The following GLP2R variants were observed in gnomAD, a reference collection of about 807,000 sequenced individuals.
The protein encoded by GLP2R is glucagon-like peptide 2 receptor.
Under a neutral mutation model 68.2 loss-of-function variants are expected in GLP2R, and 59 were observed. The observed-to-expected ratio is 0.87, with a 90% confidence interval of 0.70 to 1.07. The LOEUF (loss-of-function observed/expected upper bound fraction) is 1.07. Among genes scored for constraint, GLP2R ranks in the 50% least tolerant of loss-of-function variants. The pLI is 0.00. For synonymous variants in GLP2R, 270 were observed against 265.4 expected (o/e 1.02, Z -0.17); for missense variants, 548 against 677.4 (o/e 0.81, Z 2.12).
chr17:9,861,783 A>G (rs2066990040), intron 8 of GLP2R, among the ~76,000 whole-genome samples: 3 of 152,222 alleles, frequency 2.0e-5, no homozygotes, highest in Admixed American at 1.3e-4. Flanking sequence ...TTGGAAAGAT[A>G]TACACACTAG....
At chr17:9,884,368 G>A (rs1235916905) in intron 11 of GLP2R, among the ~76,000 whole-genome samples, 2 of 152,142 alleles carry the variant, frequency 1.3e-5, no homozygotes, top group African/African-American at 4.8e-5. Context: ...AAAGATGAAA[G>A]AACTGAGGCT....
chr17:9,862,258 C>G (rs532076935), intron 9 of GLP2R, among the ~76,000 whole-genome samples, 168 bp downstream of exon 9: 3 of 152,298 alleles, frequency 2.0e-5, no homozygotes, highest in South Asian at 2.1e-4. Context: ...TGCTCTGGTT[C>G]AGGACCTCAA....
In GLP2R at chr17:9,850,123, G is replaced by A. The variant is rs559922447; in HGVS notation, c.505-4372G>A. Among the ~76,000 whole-genome samples, 40 of 152,156 alleles carry A rather than the reference G, an allele frequency of 2.6e-4. 1 individual carries two copies. The highest frequency in any genetic ancestry group is 6.5e-4 in the African/African-American group (27 of 41,518). On this transcript the variant is annotated intron_variant, in intron 4 of 12. Transcript: ENST00000262441. ...TATGTATGAGAGTACCTGTTTCCTC[G>A]TTGGGTGCGTATCACATATTGGTTA... is the stretch of plus-strand genomic sequence containing the variant.
chr17:9,833,688 C>T, intron 1 of GLP2R, 119 bp from the exon 2 acceptor site: 1 of 641,848 alleles, frequency 1.6e-6, no homozygotes, highest in South Asian at 1.9e-5. Context: ...AATGCCATTT[C>T]TTTGCTGTGG....
At chr17:9,848,827 G>A (rs1438469299) in intron 4 of GLP2R, among the ~76,000 whole-genome samples, 2 of 151,512 alleles carry the variant, frequency 1.3e-5, no homozygotes, top group Non-Finnish European at 2.9e-5. Flanking sequence ...ACGAGATGCT[G>A]GGGGTCCTTA....
chr17:9,848,867 T>TTGTG (rs144324194), intron 4 of GLP2R, among the ~76,000 whole-genome samples: 3,319 of 139,344 alleles, frequency 0.024, 90 homozygotes, highest in African/African-American at 0.067. Flanking sequence ...TTAAAGGAGA[T>TTGTG]TGTGTGTGTG....
chr17:9,841,120 A>G (rs1597379985), intron 3 of GLP2R, among the ~76,000 whole-genome samples: 1 of 151,212 alleles, frequency 6.6e-6, no homozygotes, highest in Non-Finnish European at 1.5e-5. Flanking sequence ...AGGTTCAAGC[A>G]ATTCTCCTGC....
Position 9,861,173 on chromosome 17 carries a change from C to A in GLP2R, c.960C>A (p.Phe320Leu). ...FPVLFVVPWGFARAHLENTGC... is the reference protein window; with the variant it reads ...FPVLFVVPWGLARAHLENTGC... ...TGCTATTTGTTGTACCCTGGGGTTTCGCCCGTGCACACCTGGAGAACACAG... is the reference window on the plus strand; with the variant it reads ...TGCTATTTGTTGTACCCTGGGGTTTAGCCCGTGCACACCTGGAGAACACAG... Residue 320 changes from phenylalanine (F) to leucine (L), a missense_variant, in exon 8 of 13, where the codon TTC becomes TTA. Transcript: ENST00000262441. The A allele has an allele frequency of 6.2e-7, 1 of 1,613,138 alleles. No homozygotes were observed.
chr17:9,875,963 C>T (rs140698137), intron 10 of GLP2R, among the ~76,000 whole-genome samples: 4 of 152,298 alleles, frequency 2.6e-5, no homozygotes, highest in African/African-American at 4.8e-5. Context: ...GCACAACTTC[C>T]GTCTCCCAGG....
At chr17:9,856,750 G>A (rs1331086359) in intron 5 of GLP2R, among the ~76,000 whole-genome samples, 1 of 152,130 alleles carries the variant, frequency 6.6e-6, no homozygotes, top group East Asian at 1.9e-4. Flanking sequence ...ACTGCTCTGG[G>A]ACTTTGGACA....
At chr17:9,869,846 A>G (rs2067076292) in intron 9 of GLP2R, among the ~76,000 whole-genome samples, 1 of 152,200 alleles carries the variant, frequency 6.6e-6, no homozygotes, top group South Asian at 2.1e-4. Flanking sequence ...GTTAAGTGCA[A>G]GTAACTAAAT....
In GLP2R at chr17:9,859,888, G is replaced by A. The variant is rs969805754; in HGVS notation, c.766-54G>A. On this transcript the variant is annotated intron_variant, in intron 6 of 12. Transcript: ENST00000262441. ...CTGGGAGGCCCTTCTCCCCCGACTC[G>A]GGATCAGATGCAGGGGAGCCTGGAC... 1.0e-4 allele frequency: 140 copies of A among 1,336,816 alleles called. 1 individual carries two copies. Among genetic ancestry groups the A allele is most frequent in the South Asian group, 6.3e-4 (34 of 53,970 alleles). The allele number at this position is 1,336,816 out of a possible 1,614,324, so 82.8% of individuals were successfully genotyped here.
Position 9,833,892 on chromosome 17 carries a change from C to T in GLP2R, c.275C>T (p.Ser92Phe), listed in dbSNP as rs1489560943. Reference sequence around the variant, plus strand: ...CTGAGAGACTTACTCAAGGAACCTTCTGGTAAGCATGTGTATTAGTTATCC... The same window carrying T: ...CTGAGAGACTTACTCAAGGAACCTTTTGGTAAGCATGTGTATTAGTTATCC... ...ACLRDLLKEP[S>F]GIFCNGTFDQ... The change falls in exon 2 of 13, where the codon TCT becomes TTT. Residue 92 changes from serine to phenylalanine, a missense_variant and splice_region_variant. Transcript: ENST00000262441. The T allele has an allele frequency of 1.9e-6, 3 of 1,599,336 alleles. No individual in the cohort carries two copies.
At chr17:9,852,354 G>A (rs2066899430) in intron 4 of GLP2R, among the ~76,000 whole-genome samples, 1 of 152,168 alleles carries the variant, frequency 6.6e-6, no homozygotes, top group Admixed American at 6.5e-5. Flanking sequence ...AGTTTGCTGA[G>A]AATGATGGCT....
At chr17:9,869,389 C>T (rs1034965175) in intron 9 of GLP2R, among the ~76,000 whole-genome samples, 1 of 152,206 alleles carries the variant, frequency 6.6e-6, no homozygotes, top group Non-Finnish European at 1.5e-5. Flanking sequence ...TGTGAAAGAC[C>T]CTGCAGAAAC....
intron 6 of GLP2R, among the ~76,000 whole-genome samples, chr17:9,859,528 A>G (rs1167992782): frequency 6.6e-6 from 1 of 151,852 alleles, no homozygotes; most frequent in African/African-American, 2.4e-5. Flanking sequence ...CACGGTGGCT[A>G]ACACCTGCAA....
At chr17:9,864,473 GT>G (rs1455100382) in intron 9 of GLP2R, among the ~76,000 whole-genome samples, 1 of 123,770 alleles carries the variant, frequency 8.1e-6, no homozygotes, top group Non-Finnish European at 1.6e-5. Flanking sequence ...AGGCACTGTA[GT>G]TTTTTCTGTT....
chr17:9,854,615 C>T lies in GLP2R; in HGVS notation c.611+14C>T. 7.0e-7 allele frequency: 1 copy of T among 1,435,866 alleles called. No individual in the cohort carries two copies. Among genetic ancestry groups the T allele is most frequent in the Non-Finnish European group, 9.8e-7 (1 of 1,017,232 alleles). The allele number at this position is 1,435,866 out of a possible 1,614,324, so 88.9% of individuals were successfully genotyped here. The stretch of plus-strand genomic sequence containing the variant: ...CTTGTTTCTTCGGTGAGTAGAACTT[C>T]TGCAGGCATGTGTTCGGGCAGGTAT... On this transcript the variant is annotated intron_variant, in intron 5 of 12. Transcript: ENST00000262441.
intron 9 of GLP2R, chr17:9,865,745 T>C: frequency 2.2e-6 from 1 of 459,034 alleles, no homozygotes; most frequent in South Asian, 1.6e-5. Flanking sequence ...TTAAAATAAG[T>C]CAACAGGCAT....
Sources: allele counts gnomAD v4.1 joint callset (sites outside exome capture counted in the v4.1 genomes callset), GRCh38; gene constraint gnomAD v4.1.1; transcripts MANE v1.5; gene names NCBI Gene and HGNC (gene_info 2026-07-23, HGNC 2026-07-21).